CFAP47: variants seen among roughly 807,000 people sequenced by gnomAD.
CFAP47 encodes cilia and flagella associated protein 47.
CFAP47 carries 29 observed loss-of-function variants against 148.1 expected under a neutral mutation model. The observed-to-expected ratio is 0.20, with a 90% CI of 0.15 to 0.27. The LOEUF is 0.27. Among genes scored for constraint, CFAP47 ranks in the 10% least tolerant of loss-of-function variants. CFAP47 has a pLI of 1.00. For synonymous variants in CFAP47, 664 were observed against 577.3 expected (o/e 1.15, Z -2.15); for missense variants, 1,872 against 1,697.5 (o/e 1.10, Z -1.81).
chrX:35,921,984 T>C (rs1289948044), intron 1 of CFAP47, among the ~76,000 whole-genome samples: 1 of 111,624 alleles, frequency 9.0e-6, no homozygotes, highest in East Asian at 2.8e-4. Context: ...AGAAGACACA[T>C]ACTTTATCTT....
In CFAP47 at chrX:36,201,513, T is replaced by C. The variant is rs782778716; in HGVS notation, c.6663+13T>C. The C allele has an allele frequency of 3.4e-6, 1 of 294,728 alleles. No homozygotes were observed. The highest frequency in any genetic ancestry group is 2.8e-5 in the African/African-American group (1 of 36,304). 24.3% of individuals were successfully genotyped at this position (294,728 alleles called of 1,213,427 possible). On this transcript the variant is annotated intron_variant, in intron 44 of 63. Transcript: ENST00000378653. ...GACGAAGATCGAGGTGGGAATGGAG[T>C]AATAGATGATTCACTTCAATTACTC...
chrX:36,005,574 A>C (rs1277784188), intron 21 of CFAP47, among the ~76,000 whole-genome samples: 1 of 111,767 alleles, frequency 8.9e-6, no homozygotes, highest in Non-Finnish European at 1.9e-5. Flanking sequence ...AATTTATTGC[A>C]GCTTGTTTCA....
chrX:36,202,184 T>C (rs1406641228), intron 44 of CFAP47, among the ~76,000 whole-genome samples: 1 of 111,482 alleles, frequency 9.0e-6, no homozygotes, highest in Non-Finnish European at 1.9e-5. Context: ...ATAGACTCTA[T>C]CATTACAGCT....
chrX:36,353,102 G>A (rs62592535), intron 59 of CFAP47, among the ~76,000 whole-genome samples: 11,644 of 109,607 alleles, frequency 0.11, 517 homozygotes, highest in East Asian at 0.26. Flanking sequence ...TAAATTATTT[G>A]AAGGCATTTT....
At chrX:36,349,961 A>G in intron 58 of CFAP47, 77 bp from the exon 59 acceptor site, 1 of 591,851 alleles carries the variant, frequency 1.7e-6, no homozygotes, top group Non-Finnish European at 2.6e-6. Flanking sequence ...AATACCATAA[A>G]GTTAATAAAT....
chrX:36,339,688 A>T (rs948292228), intron 57 of CFAP47, among the ~76,000 whole-genome samples: 6 of 111,933 alleles, frequency 5.4e-5, no homozygotes, highest in Admixed American at 2.8e-4. Flanking sequence ...ACAGTCTCTG[A>T]TAATGGATTA....
chrX:36,122,611 C>G (rs1196473485), intron 33 of CFAP47, among the ~76,000 whole-genome samples: 1 of 111,241 alleles, frequency 9.0e-6, no homozygotes, highest in Non-Finnish European at 1.9e-5. Flanking sequence ...TTTAGTATGC[C>G]AACTGTATGT....
At chrX:36,016,516 A>G (rs1156753846) in intron 22 of CFAP47, among the ~76,000 whole-genome samples, 1 of 110,947 alleles carries the variant, frequency 9.0e-6, no homozygotes, top group African/African-American at 3.3e-5. Flanking sequence ...ATAGTACTCC[A>G]TTATGTATCT....
intron 40 of CFAP47, among the ~76,000 whole-genome samples, chrX:36,182,485 A>T (rs1321940539): frequency 8.9e-6 from 1 of 112,129 alleles, no homozygotes. Context: ...AGGCATTTCT[A>T]TCTTTAAATA....
At chrX:36,218,147 T>G (rs1294782288) in intron 45 of CFAP47, among the ~76,000 whole-genome samples, 1 of 112,374 alleles carries the variant, frequency 8.9e-6, no homozygotes, top group African/African-American at 3.2e-5. Flanking sequence ...GAATTTATAT[T>G]TAATACAGGA....
intron 15 of CFAP47, among the ~76,000 whole-genome samples, chrX:35,988,842 G>C (rs1175565033): frequency 9.0e-6 from 1 of 111,630 alleles, no homozygotes; most frequent in Non-Finnish European, 1.9e-5. Context: ...ACATCTCTAG[G>C]GATGTATGTA....
intron 21 of CFAP47, among the ~76,000 whole-genome samples, chrX:36,005,688 C>A (rs1211513846): frequency 5.4e-5 from 6 of 111,511 alleles, no homozygotes; most frequent in Non-Finnish European, 1.1e-4. Flanking sequence ...CACATGTGTG[C>A]AATGGTGAAA....
chrX:36,095,718 C>T (rs1202995185), intron 30 of CFAP47, among the ~76,000 whole-genome samples: 1 of 111,176 alleles, frequency 9.0e-6, no homozygotes, highest in Non-Finnish European at 1.9e-5. Context: ...GTTGTAATGC[C>T]TTCTTTATCA....
chrX:35,976,385 A>T (rs949798955), intron 15 of CFAP47, among the ~76,000 whole-genome samples: 1 of 111,828 alleles, frequency 8.9e-6, no homozygotes, highest in African/African-American at 3.2e-5. Context: ...CACCCGCATT[A>T]TGAAAGGTAA....
chrX:35,977,529 C>T (rs890699738), intron 15 of CFAP47, among the ~76,000 whole-genome samples: 2 of 111,097 alleles, frequency 1.8e-5, no homozygotes, highest in Admixed American at 9.6e-5. Context: ...CATCTTTCCT[C>T]CCTCCTTTCA....
At chrX:36,348,472 T>C (rs1556016947) in intron 58 of CFAP47, among the ~76,000 whole-genome samples, 184 bp downstream of exon 58, 1 of 110,566 alleles carries the variant, frequency 9.0e-6, no homozygotes, top group Admixed American at 9.8e-5. Context: ...ATATAATGTA[T>C]AGAAAATAAT....
chrX:35,947,355 G>T (rs886529868), intron 3 of CFAP47, among the ~76,000 whole-genome samples: 2 of 108,476 alleles, frequency 1.8e-5, no homozygotes, highest in Admixed American at 9.9e-5. Flanking sequence ...CTGTGGGTCA[G>T]CTGGGTGGCT....
chrX:36,325,180 C>T (rs898929479), intron 57 of CFAP47, among the ~76,000 whole-genome samples: 3 of 111,916 alleles, frequency 2.7e-5, no homozygotes, highest in Middle Eastern at 4.6e-3. Context: ...TAATGGAAAA[C>T]GGTGTCATTT....
At chrX:36,085,167 A>T (rs761660522) in intron 29 of CFAP47, 147 bp from the exon 30 acceptor site, 1 of 378,018 alleles carries the variant, frequency 2.6e-6, no homozygotes, top group Non-Finnish European at 4.7e-6. Flanking sequence ...TGACCAACAA[A>T]TGGTAGCCTA....
Sources: gnomAD v4.1 joint callset for allele counts (sites outside exome capture counted in the v4.1 genomes callset) on GRCh38, gnomAD v4.1.1 for gene constraint, MANE v1.5 for transcripts, NCBI Gene and HGNC (gene_info 2026-07-23, HGNC 2026-07-21) for gene names.